The following EGFR variants were observed in gnomAD, a reference collection of about 807,000 sequenced individuals.
The protein encoded by EGFR is epidermal growth factor receptor, also known as avian erythroblastic leukemia viral (v-erb-b) oncogene homolog.
A neutral mutation model predicts 143.0 loss-of-function variants in EGFR; 58 were observed. The ratio of observed to expected loss-of-function variants is 0.41; its 90% CI spans 0.33 to 0.50. EGFR has a LOEUF of 0.50. Ranked by LOEUF, EGFR falls within the 20% of genes least tolerant of loss-of-function variation. The probability of loss-of-function intolerance (pLI) is 0.39; values close to 1 mark genes in which losing one functional copy is unlikely to be tolerated. For missense variants in EGFR, 1,307 were observed against 1,579.0 expected (o/e 0.83, Z 2.92); for synonymous variants, 613 against 594.4 (o/e 1.03, Z -0.45).
intron 1 of EGFR, among the ~76,000 whole-genome samples, chr7:55,124,268 T>C (rs1377823643): frequency 6.6e-6 from 1 of 152,244 alleles, no homozygotes; most frequent in Non-Finnish European, 1.5e-5. Context: ...CAACATGTTT[T>C]ATTGATATGA....
chr7:55,139,971 A>G (rs1794368465), intron 1 of EGFR, among the ~76,000 whole-genome samples: 1 of 152,032 alleles, frequency 6.6e-6, no homozygotes, highest in Non-Finnish European at 1.5e-5. Context: ...CATTATCCTC[A>G]TAGATAATGA....
chr7:55,019,266 C>G lies in EGFR; in HGVS notation c.-12C>G. 6.7e-7 allele frequency: 1 copy of G among 1,489,558 alleles called. No homozygotes were observed. Among genetic ancestry groups the G allele is most frequent in the Non-Finnish European group, 9.0e-7 (1 of 1,113,586 alleles). 92.3% of individuals were successfully genotyped at this position (1,489,558 alleles called of 1,614,324 possible). ...ATCGGGAGAGCCGGAGCGAGCTCTTCGGGGAGCAGCGATGCGACCCTCCGG... is the reference window on the plus strand; with the variant it reads ...ATCGGGAGAGCCGGAGCGAGCTCTTGGGGGAGCAGCGATGCGACCCTCCGG... On this transcript the variant is annotated 5_prime_UTR_variant, in exon 1 of 28. Transcript: ENST00000275493.
At chr7:55,122,517 C>T (rs1305870016) in intron 1 of EGFR, among the ~76,000 whole-genome samples, 1 of 152,230 alleles carries the variant, frequency 6.6e-6, no homozygotes, top group East Asian at 1.9e-4. Flanking sequence ...CGCATTTCTG[C>T]CCTTCTGAGC....
intron 23 of EGFR, 22 bp from the exon 24 acceptor site, chr7:55,200,294 T>C (rs2128969741): frequency 6.2e-7 from 1 of 1,610,092 alleles, no homozygotes; most frequent in Non-Finnish European, 8.5e-7. Flanking sequence ...AATTGCACTG[T>C]TTTTTCTCAT....
Position 55,157,855 on chromosome 7 carries a change from A to G in EGFR, c.1298+102A>G, listed in dbSNP as rs1584184405. 8 of 1,176,168 alleles carry G rather than the reference A, an allele frequency of 6.8e-6. No individual in the cohort carries two copies. The East Asian group carries it at 7.3e-5, about 11-fold the overall frequency. 72.9% of individuals were successfully genotyped at this position (1,176,168 alleles called of 1,614,324 possible). ...CTAAGATAGGGCACAGAGCTCCTGC[A>G]TCTCTCGCCGGCATTCCCAAATGCT... On this transcript the variant is annotated intron_variant, in intron 11 of 27. Coordinates refer to ENST00000275493, the MANE Select transcript of EGFR (RefSeq NM_005228.5).
chr7:55,078,499 T>A (rs1790266396), intron 1 of EGFR, among the ~76,000 whole-genome samples: 1 of 152,220 alleles, frequency 6.6e-6, no homozygotes, highest in South Asian at 2.1e-4. Flanking sequence ...ATGTGCGTCC[T>A]CCTCCTTCCC....
chr7:55,041,567 C>G (rs1787903910), intron 1 of EGFR, among the ~76,000 whole-genome samples: 1 of 152,198 alleles, frequency 6.6e-6, no homozygotes, highest in South Asian at 2.1e-4. Flanking sequence ...CCGTTGCATT[C>G]AAATACACAT....
At chr7:55,124,499 A>G (rs556031284) in intron 1 of EGFR, among the ~76,000 whole-genome samples, 2 of 152,318 alleles carry the variant, frequency 1.3e-5, no homozygotes, top group East Asian at 3.9e-4. Flanking sequence ...AAAACTATAG[A>G]GGGCTTTATG....
chr7:55,059,445 C>A (rs1389163525), intron 1 of EGFR, among the ~76,000 whole-genome samples: 3 of 152,136 alleles, frequency 2.0e-5, no homozygotes, highest in Non-Finnish European at 2.9e-5. Flanking sequence ...ACATTTGTTA[C>A]AATTAATGAG....
At chr7:55,046,951 A>AAATT (rs1372081566) in intron 1 of EGFR, among the ~76,000 whole-genome samples, 5 of 152,230 alleles carry the variant, frequency 3.3e-5, no homozygotes, top group African/African-American at 1.2e-4. Context: ...GTGATATTAA[A>AAATT]AATTAATGTG....
intron 19 of EGFR, among the ~76,000 whole-genome samples, chr7:55,178,859 C>A (rs1786722742): frequency 6.6e-6 from 1 of 152,176 alleles, no homozygotes; most frequent in Admixed American, 6.5e-5. Context: ...GTTTGTTTGT[C>A]TTGAATGCAA....
chr7:55,155,717 C>A (rs2128937109), intron 7 of EGFR, 113 bp from the exon 8 acceptor site: 2 of 825,326 alleles, frequency 2.4e-6, no homozygotes, highest in Non-Finnish European at 4.3e-6. Flanking sequence ...GTAAATAAAG[C>A]CAAAGGAGGA....
chr7:55,172,665 T>A (rs1786404643), intron 16 of EGFR, among the ~76,000 whole-genome samples: 2 of 152,206 alleles, frequency 1.3e-5, no homozygotes, highest in Non-Finnish European at 1.5e-5. Flanking sequence ...ATTATTGAAG[T>A]CTAAGTTATT....
intron 1 of EGFR, among the ~76,000 whole-genome samples, chr7:55,075,276 G>A (rs1790071711): frequency 6.6e-6 from 1 of 152,078 alleles, no homozygotes; most frequent in Non-Finnish European, 1.5e-5. Flanking sequence ...TATCTGTGAA[G>A]GCCTCCAGCT....
At chr7:55,027,951 A>G (rs1786990677) in intron 1 of EGFR, among the ~76,000 whole-genome samples, 1 of 138,742 alleles carries the variant, frequency 7.2e-6, no homozygotes, top group African/African-American at 2.7e-5. Flanking sequence ...TGCTGACATT[A>G]CCTTGTATAT....
chr7:55,172,904 A>G (rs779628166), intron 16 of EGFR, 79 bp from the exon 17 acceptor site: 14 of 1,612,884 alleles, frequency 8.7e-6, no homozygotes, highest in South Asian at 2.2e-5. Flanking sequence ...GCACTGAAAC[A>G]TGCAGGGGCG....
At chr7:55,190,131 CT>C (rs977144249) in intron 20 of EGFR, among the ~76,000 whole-genome samples, 6 of 152,042 alleles carry the variant, frequency 3.9e-5, no homozygotes, top group Non-Finnish European at 5.9e-5. Context: ...TCTGCCCCCC[CT>C]CTCCTCTCCC....
At chr7:55,157,476 T>C (rs1463179151) in intron 10 of EGFR, among the ~76,000 whole-genome samples, 187 bp from the exon 11 acceptor site, 1 of 152,220 alleles carries the variant, frequency 6.6e-6, no homozygotes, top group Non-Finnish European at 1.5e-5. Context: ...AGCTGTGAAC[T>C]GTGGCTCGGC....
intron 1 of EGFR, among the ~76,000 whole-genome samples, chr7:55,053,026 G>A (rs1177504661): frequency 6.6e-6 from 1 of 152,150 alleles, no homozygotes; most frequent in Non-Finnish European, 1.5e-5. Flanking sequence ...GCTCCCCTGA[G>A]TCTCGGAAAA....
Sources: allele counts gnomAD v4.1 joint callset (sites outside exome capture counted in the v4.1 genomes callset), GRCh38; gene constraint gnomAD v4.1.1; transcripts MANE v1.5; gene names NCBI Gene and HGNC (gene_info 2026-07-23, HGNC 2026-07-21).